RSRC1: variants seen among roughly 807,000 people sequenced by gnomAD.
The protein encoded by RSRC1 is serine/Arginine-related protein 53.
Under a neutral mutation model 49.1 loss-of-function variants are expected in RSRC1, and 39 were observed. That is an observed-to-expected ratio of 0.79 (90% CI 0.61 to 1.04). RSRC1 has a LOEUF of 1.04. RSRC1 is among the 50% of genes least tolerant of loss of function. The probability of loss-of-function intolerance (pLI) is 0.00; values close to 1 mark genes in which losing one functional copy is unlikely to be tolerated. For missense variants in RSRC1, 388 were observed against 402.4 expected (o/e 0.96, Z 0.31); for synonymous variants, 143 against 130.8 (o/e 1.09, Z -0.63).
intron 6 of RSRC1, among the ~76,000 whole-genome samples, chr3:158,358,328 A>G (rs1731270742): frequency 6.6e-6 from 1 of 152,090 alleles, no homozygotes; most frequent in Admixed American, 6.6e-5. Flanking sequence ...ATTTTTTTGT[A>G]TTTATCCCTT....
At chr3:158,306,897 G>C (rs144166179) in intron 5 of RSRC1, among the ~76,000 whole-genome samples, 90 of 151,844 alleles carry the variant, frequency 5.9e-4, no homozygotes, top group East Asian at 5.4e-3. Context: ...TTCAGCATCT[G>C]CTCTTGCAAA....
chr3:158,249,077 G>A (rs76352364), intron 4 of RSRC1, among the ~76,000 whole-genome samples: 75 of 152,034 alleles, frequency 4.9e-4, no homozygotes, highest in East Asian at 4.1e-3. Context: ...TTTTGGCCAC[G>A]TGTGTATCTT....
intron 6 of RSRC1, among the ~76,000 whole-genome samples, chr3:158,406,459 ATTGG>A (rs1434538638): frequency 6.6e-6 from 1 of 152,094 alleles, no homozygotes; most frequent in East Asian, 1.9e-4. Flanking sequence ...TCTTAAGGTA[ATTGG>A]TACCTTGATG....
chr3:158,493,172 C>G (rs1179137221), intron 7 of RSRC1, among the ~76,000 whole-genome samples: 2 of 152,056 alleles, frequency 1.3e-5, no homozygotes, highest in African/African-American at 4.8e-5. Flanking sequence ...TTAACAAATG[C>G]TGTAAGAAGC....
chr3:158,470,506 G>A (rs1316923658), intron 7 of RSRC1, among the ~76,000 whole-genome samples: 2 of 151,976 alleles, frequency 1.3e-5, no homozygotes, highest in African/African-American at 4.8e-5. Context: ...ATGGTGGGGG[G>A]TGGGAATGGA....
intron 5 of RSRC1, among the ~76,000 whole-genome samples, chr3:158,337,654 AT>A (rs1729994442): frequency 6.6e-6 from 1 of 152,056 alleles, no homozygotes; most frequent in African/African-American, 2.4e-5. Flanking sequence ...GAATCTGTCC[AT>A]GGGGGTCAAT....
chr3:158,189,344 G>T (rs751139511), intron 3 of RSRC1, among the ~76,000 whole-genome samples: 2 of 151,906 alleles, frequency 1.3e-5, no homozygotes, highest in Non-Finnish European at 2.9e-5. Context: ...CAAATCTTCT[G>T]TGTCTTTACT....
intron 3 of RSRC1, among the ~76,000 whole-genome samples, chr3:158,190,039 A>G (rs949310350): frequency 1.3e-5 from 2 of 151,866 alleles, no homozygotes; most frequent in African/African-American, 4.8e-5. Flanking sequence ...AATGGGATGT[A>G]ACATGGCCAA....
intron 7 of RSRC1, among the ~76,000 whole-genome samples, chr3:158,506,581 A>G (rs1224757215): frequency 6.6e-6 from 1 of 151,908 alleles, no homozygotes; most frequent in Non-Finnish European, 1.5e-5. Context: ...AATGCTCACC[A>G]TCACTAATTA....
chr3:158,331,318 C>T (rs1289264841), intron 5 of RSRC1, among the ~76,000 whole-genome samples: 1 of 152,198 alleles, frequency 6.6e-6, no homozygotes, highest in African/African-American at 2.4e-5. Flanking sequence ...GACTAGTAGT[C>T]TTTTGTGCGT....
chr3:158,520,168 T>C (rs1711579293), intron 7 of RSRC1, among the ~76,000 whole-genome samples: 1 of 152,156 alleles, frequency 6.6e-6, no homozygotes, highest in Non-Finnish European at 1.5e-5. Flanking sequence ...TCTTCCACTT[T>C]TCCAAATTTA....
chr3:158,439,098 T>G (rs1736229176), intron 6 of RSRC1, among the ~76,000 whole-genome samples: 1 of 151,944 alleles, frequency 6.6e-6, no homozygotes, highest in Non-Finnish European at 1.5e-5. Context: ...GAAATGCAAA[T>G]CAAAACCACA....
Position 158,255,302 on chromosome 3 carries a change from C to A in RSRC1, c.495-42737C>A, listed in dbSNP as rs563674157. Among the ~76,000 whole-genome samples the A allele has an allele frequency of 2.4e-3, 373 of 152,302 alleles. 2 individuals carry two copies. The highest frequency in any genetic ancestry group is 8.7e-3 in the African/African-American group (362 of 41,566). ...ACATATGGCTAGCCAGTTTTCCCAGCACCATTTATTAAATAGGGAATCCTT... is the reference window on the plus strand; with the variant it reads ...ACATATGGCTAGCCAGTTTTCCCAGAACCATTTATTAAATAGGGAATCCTT... On this transcript the variant is annotated intron_variant, in intron 4 of 9. Transcript: ENST00000611884.
chr3:158,431,255 T>A (rs1253240095), intron 6 of RSRC1, among the ~76,000 whole-genome samples: 2 of 106,158 alleles, frequency 1.9e-5, no homozygotes, highest in Non-Finnish European at 3.9e-5. Context: ...TTAAATAACT[T>A]AAAGATAAAT....
intron 7 of RSRC1, among the ~76,000 whole-genome samples, chr3:158,461,215 A>C (rs758255226): frequency 3.3e-5 from 5 of 151,858 alleles, no homozygotes; most frequent in Non-Finnish European, 7.4e-5. Flanking sequence ...ATATTCTGGG[A>C]AATTGGGAGG....
chr3:158,276,498 T>A (rs1367489069), intron 4 of RSRC1: 1 of 571,346 alleles, frequency 1.8e-6, no homozygotes, highest in Non-Finnish European at 3.1e-6. Flanking sequence ...AACATTTGTC[T>A]TTTTTTCATG....
At chr3:158,330,888 TAAA>T (rs11303833) in intron 5 of RSRC1, among the ~76,000 whole-genome samples, 2 of 144,218 alleles carry the variant, frequency 1.4e-5, no homozygotes, top group Admixed American at 6.9e-5. Context: ...GGTAACTTAT[TAAA>T]AAAAAAAAAA....
chr3:158,262,928 T>G (rs1403554779), intron 4 of RSRC1, among the ~76,000 whole-genome samples: 1 of 152,140 alleles, frequency 6.6e-6, no homozygotes, highest in Non-Finnish European at 1.5e-5. Flanking sequence ...ACTTATACTT[T>G]TAGTAGCTTT....
rs116460432 is a variant in RSRC1 at position 158,543,617 on chromosome 3, T to C, written c.912+130T>C. The C allele has an allele frequency of 6.3e-4, 595 of 938,486 alleles. 1 individual carries two copies. In the African/African-American group the frequency reaches 9.5e-3, roughly 15 times the overall value. The allele number at this position is 938,486 out of a possible 1,614,324, so 58.1% of individuals were successfully genotyped here. A position where few individuals can be genotyped will look rare whatever the true frequency, so the allele number is the denominator to read the frequency against. ...CAGGTTCATATTCCCTTGCTAAAAA[T>C]AGGCATCTGGCCCCCAGGCCTTTAG... is the stretch of plus-strand genomic sequence containing the variant. On this transcript the variant is annotated intron_variant, in intron 9 of 9. Coordinates refer to ENST00000611884, the MANE Select transcript of RSRC1 (RefSeq NM_001271838.2).
Sources: gnomAD v4.1 joint callset for allele counts (sites outside exome capture counted in the v4.1 genomes callset) on GRCh38, gnomAD v4.1.1 for gene constraint, MANE v1.5 for transcripts, NCBI Gene and HGNC (gene_info 2026-07-23, HGNC 2026-07-21) for gene names.